The following ADCK1 variants were observed in gnomAD, a reference collection of about 807,000 sequenced individuals.
ADCK1 encodes the protein aarF domain containing kinase 1.
In ADCK1, 41 loss-of-function variants were observed where a neutral mutation model predicts 52.3. That is an observed-to-expected ratio of 0.78 (90% CI 0.61 to 1.02). The LOEUF is 1.02. ADCK1 is among the 50% of genes least tolerant of loss of function. The pLI is 0.00. For missense variants in ADCK1, 658 were observed against 679.5 expected, an observed-to-expected ratio of 0.97 and a Z score of 0.35; for synonymous variants, 250 against 274.6, an observed-to-expected ratio of 0.91 and a Z score of 0.89.
At chr14:77,843,672 G>A (rs1278681068) in intron 3 of ADCK1, among the ~76,000 whole-genome samples, 32 of 152,190 alleles carry the variant, frequency 2.1e-4, no homozygotes, top group Admixed American at 2.1e-3. Context: ...TGTTTGCTGA[G>A]GGCTTGCACA....
At chr14:77,885,174 A>T (rs1555355570) in intron 4 of ADCK1, among the ~76,000 whole-genome samples, 2 of 152,204 alleles carry the variant, frequency 1.3e-5, no homozygotes, top group Non-Finnish European at 2.9e-5. Flanking sequence ...GTTTACAGGG[A>T]TGATGATCCC....
At chr14:77,905,304 G>GTTTTTTTTTT (rs58057378) in intron 6 of ADCK1, among the ~76,000 whole-genome samples, 2,351 of 96,164 alleles carry the variant, frequency 0.024, 208 homozygotes, top group Non-Finnish European at 0.036. Flanking sequence ...TTCCTAGCTG[G>GTTTTTTTTTT]TTTTTTTTTT....
intron 1 of ADCK1, among the ~76,000 whole-genome samples, chr14:77,817,085 T>C (rs1255472919): frequency 6.6e-6 from 1 of 150,516 alleles, no homozygotes; most frequent in African/African-American, 2.4e-5. Context: ...TTACTAAAAA[T>C]ACAAAAATTA....
At chr14:77,886,524 G>A (rs2083150293) in intron 4 of ADCK1, among the ~76,000 whole-genome samples, 1 of 152,174 alleles carries the variant, frequency 6.6e-6, no homozygotes, top group African/African-American at 2.4e-5. Flanking sequence ...ATGAGGATGC[G>A]CCTTCCATGT....
At chr14:77,814,160 C>A (rs936040080) in intron 1 of ADCK1, among the ~76,000 whole-genome samples, 3 of 151,800 alleles carry the variant, frequency 2.0e-5, no homozygotes, top group African/African-American at 7.3e-5. Context: ...CTCACTGCAA[C>A]CTTTGCCTCC....
At chr14:77,848,002 G>A (rs1008763950) in intron 3 of ADCK1, among the ~76,000 whole-genome samples, 2 of 152,200 alleles carry the variant, frequency 1.3e-5, no homozygotes, top group Non-Finnish European at 2.9e-5. Flanking sequence ...GTGAGGAACC[G>A]GGGAGGGCAA....
chr14:77,817,892 C>T (rs1465969523), intron 1 of ADCK1, among the ~76,000 whole-genome samples: 13 of 131,750 alleles, frequency 9.9e-5, no homozygotes, highest in Admixed American at 6.6e-4. Context: ...CCCGCCACCA[C>T]GCCTGGCTAA....
intron 3 of ADCK1, among the ~76,000 whole-genome samples, chr14:77,852,921 T>A (rs1412360792): frequency 0.02 from 658 of 33,264 alleles, 8 homozygotes; most frequent in Middle Eastern, 0.048. Context: ...TTTTTTTTTT[T>A]TTTTTTTTTT....
chr14:77,823,195 G>A (rs1001824878), intron 3 of ADCK1, among the ~76,000 whole-genome samples: 1 of 152,136 alleles, frequency 6.6e-6, no homozygotes, highest in Non-Finnish European at 1.5e-5. Flanking sequence ...TTTTGTGGAT[G>A]TAGGTTGAGT....
At chr14:77,822,253 A>G (rs2081598505) in intron 2 of ADCK1, among the ~76,000 whole-genome samples, 182 bp from the exon 3 acceptor site, 1 of 152,214 alleles carries the variant, frequency 6.6e-6, no homozygotes, top group Admixed American at 6.5e-5. Flanking sequence ...ATTTGCACAG[A>G]GTCCTGAATA....
At chr14:77,900,770 A>G in intron 6 of ADCK1, 1 of 337,806 alleles carries the variant, frequency 3.0e-6, no homozygotes, top group South Asian at 2.3e-5. Context: ...ACACATAAGC[A>G]CATCCAAAAT....
intron 3 of ADCK1, among the ~76,000 whole-genome samples, chr14:77,847,489 G>A (rs1348651530): frequency 6.6e-6 from 1 of 152,214 alleles, no homozygotes; most frequent in Non-Finnish European, 1.5e-5. Context: ...AGAATTGCTT[G>A]AACCCAGGAG....
At chr14:77,906,074 C>A (rs80174023) in intron 6 of ADCK1, among the ~76,000 whole-genome samples, 1 of 152,102 alleles carries the variant, frequency 6.6e-6, no homozygotes, top group South Asian at 2.1e-4. Context: ...GAGGTCCTTA[C>A]TGAGATAGGG....
At chr14:77,847,139 A>G (rs893554970) in intron 3 of ADCK1, among the ~76,000 whole-genome samples, 2 of 152,150 alleles carry the variant, frequency 1.3e-5, no homozygotes, top group African/African-American at 2.4e-5. Context: ...TGGAGATGCT[A>G]TGCAAGGGCC....
chr14:77,915,535 A>T (rs1187647120), intron 7 of ADCK1, among the ~76,000 whole-genome samples: 1 of 152,168 alleles, frequency 6.6e-6, no homozygotes, highest in Non-Finnish European at 1.5e-5. Flanking sequence ...GATAGACTGG[A>T]TTAAGAAAAT....
At chr14:77,810,037 CAAAA>C (rs558244331) in intron 1 of ADCK1, among the ~76,000 whole-genome samples, 41,037 of 107,528 alleles carry the variant, frequency 0.38, 6,675 homozygotes, top group East Asian at 0.54. Flanking sequence ...GACTCTGTCT[CAAAA>C]AAAAAAAAAA....
At chr14:77,877,504 C>T (rs1163368421) in intron 4 of ADCK1, among the ~76,000 whole-genome samples, 3 of 152,172 alleles carry the variant, frequency 2.0e-5, no homozygotes. Flanking sequence ...TGTGGCTGGG[C>T]GTTCACCTCA....
In ADCK1 at chr14:77,900,091, T is replaced by A. The variant is rs1200694937; in HGVS notation, c.741+833T>A. ...GTCTCAAAAAAAAAAAAAAAGAAAA[T>A]TCATCAGTAATACAGTAATATAGGA... On this transcript the variant is annotated intron_variant, in intron 6 of 10. Transcript: ENST00000238561. Among the ~76,000 whole-genome samples, 241 of 91,848 alleles carry A rather than the reference T, an allele frequency of 2.6e-3. 1 individual carries two copies. The highest frequency in any genetic ancestry group is 0.012 in the Middle Eastern group (2 of 166). 60.3% of individuals were successfully genotyped at this position (91,848 alleles called of 152,430 possible).
At chr14:77,886,996 G>T in intron 4 of ADCK1, 95 bp from the exon 5 acceptor site, 2 of 1,338,934 alleles carry the variant, frequency 1.5e-6, no homozygotes, top group African/African-American at 1.5e-5. Context: ...TGTCCTGGGG[G>T]CACTAGGCAG....
Sources: allele counts gnomAD v4.1 joint callset (sites outside exome capture counted in the v4.1 genomes callset), GRCh38; gene constraint gnomAD v4.1.1; transcripts MANE v1.5; gene names NCBI Gene and HGNC (gene_info 2026-07-23, HGNC 2026-07-21).